The following ADSS1 variants were observed in gnomAD, a reference collection of about 807,000 sequenced individuals.
ADSS1 encodes adenylosuccinate synthase 1, also known as adenylosuccinate synthetase isozyme 1.
Under a neutral mutation model 59.1 loss-of-function variants are expected in ADSS1, and 57 were observed. That is an observed-to-expected ratio of 0.97 (90% CI 0.78 to 1.20). The LOEUF (loss-of-function observed/expected upper bound fraction) is 1.20, where lower values mean the gene tolerates loss of function less well. ADSS1 is among the 50% of genes most tolerant of loss of function. The pLI is 0.00. For synonymous variants in ADSS1, 247 were observed against 249.4 expected (o/e 0.99, Z 0.09); for missense variants, 603 against 610.3 (o/e 0.99, Z 0.13).
chr14:104,727,619 C>A (rs983271513), intron 1 of ADSS1, among the ~76,000 whole-genome samples: 1 of 152,198 alleles, frequency 6.6e-6, no homozygotes, highest in African/African-American at 2.4e-5. Flanking sequence ...GTACCTCCGC[C>A]TGTGCTTCCT....
intron 1 of ADSS1, among the ~76,000 whole-genome samples, chr14:104,734,445 T>C (rs1211244767): frequency 6.6e-6 from 1 of 152,198 alleles, no homozygotes; most frequent in African/African-American, 2.4e-5. Context: ...GGCTGTCTCA[T>C]GGCAGGAGGG....
chr14:104,741,789 C>T (rs537646950), intron 8 of ADSS1, 59 bp from the exon 9 acceptor site: 3 of 1,591,734 alleles, frequency 1.9e-6, no homozygotes, highest in African/African-American at 1.3e-5. Flanking sequence ...CCTCTTGGGC[C>T]GGGTGGAATA....
At chr14:104,728,398 G>A (rs1890782589) in intron 1 of ADSS1, among the ~76,000 whole-genome samples, 1 of 152,148 alleles carries the variant, frequency 6.6e-6, no homozygotes, top group African/African-American at 2.4e-5. Context: ...ACCAGTCCCG[G>A]GCAGCTGAGA....
rs1891497352 is a variant in ADSS1 at position 104,744,829 on chromosome 14, T to C, written c.1091T>C (p.Leu364Pro). The C allele has an allele frequency of 6.2e-7, 1 of 1,614,210 alleles. No individual in the cohort carries two copies. Among genetic ancestry groups the C allele is most frequent in the Non-Finnish European group, 8.5e-7 (1 of 1,180,036 alleles). ...NGFTALALTKLDILDVLGEVK... is the reference protein window; with the variant it reads ...NGFTALALTKPDILDVLGEVK... The stretch of plus-strand genomic sequence containing the variant: ...TTCCACAGGCTGGCCCTGACGAAGC[T>C]GGACATCCTGGACGTACTGGGTGAG... Residue 364 changes from leucine (L) to proline (P), a missense_variant, in exon 11 of 13, where the codon CTG becomes CCG. Transcript: ENST00000330877.
At chr14:104,725,790 C>CCCCTGA (rs778280264) in intron 1 of ADSS1, among the ~76,000 whole-genome samples, 202 of 152,300 alleles carry the variant, frequency 1.3e-3, no homozygotes, top group Non-Finnish European at 2.5e-3. Context: ...GCAGCCCCGG[C>CCCCTGA]CCCTGACCCT....
At position 104,741,184 on chromosome 14, in the gene ADSS1, G is replaced by GC. The variant is rs769542442; in HGVS notation, c.741dup (p.Lys248GlnfsTer16). ...TACTTTATGTATGAGGCACTCCACG[G>GC]CCCCCCCAAGAAGATCCTGGTGGAG... is the stretch of plus-strand genomic sequence containing the variant. On this transcript the variant is annotated frameshift_variant, in exon 8 of 13. Transcript: ENST00000330877. LOFTEE classifies it high-confidence loss of function. The GC allele has an allele frequency of 4.6e-5, 74 of 1,611,788 alleles. No homozygotes were observed. Among genetic ancestry groups the GC allele is most frequent in the Middle Eastern group, 1.6e-4 (1 of 6,072 alleles).
At chr14:104,728,325 G>T (rs538585639) in intron 1 of ADSS1, among the ~76,000 whole-genome samples, 1 of 152,228 alleles carries the variant, frequency 6.6e-6, no homozygotes, top group African/African-American at 2.4e-5. Flanking sequence ...GCTGGTTACT[G>T]GGCCGTGGCT....
intron 2 of ADSS1, among the ~76,000 whole-genome samples, chr14:104,736,038 A>G (rs1308289486): frequency 1.3e-5 from 2 of 152,094 alleles, no homozygotes; most frequent in African/African-American, 4.8e-5. Context: ...ATGGGCCTGG[A>G]CCCATTCAAT....
chr14:104,732,833 CA>C (rs1890978908), intron 1 of ADSS1, among the ~76,000 whole-genome samples: 2 of 152,234 alleles, frequency 1.3e-5, no homozygotes, highest in South Asian at 4.1e-4. Context: ...CAGTCGTGGG[CA>C]TGAAGGTACT....
Position 104,734,968 on chromosome 14 carries a change from G to A in ADSS1, c.193-52G>A, listed in dbSNP as rs79940581. 1,003 of 1,513,660 alleles carry A rather than the reference G, an allele frequency of 6.6e-4. 4 individuals carry two copies. The East Asian group carries it at 7.9e-3, about 12-fold the overall frequency. The allele number at this position is 1,513,660 out of a possible 1,614,324, so 93.8% of individuals were successfully genotyped here. ...GCCCCATGTGGGTCAGTCCATGTCC[G>A]GGGGGTCCTCAGTACCCAAGTGCCT... On this transcript the variant is annotated intron_variant, in intron 1 of 12. Coordinates refer to ENST00000330877, the MANE Select transcript of ADSS1 (RefSeq NM_152328.5).
chr14:104,743,356 T>TATACC (rs1186364378), intron 10 of ADSS1, 165 bp downstream of exon 10: 2 of 1,020,230 alleles, frequency 2.0e-6, no homozygotes, highest in Non-Finnish European at 2.8e-6. Context: ...GTTAGCGGTA[T>TATACC]GGAGGCCTGT....
At chr14:104,743,567 CA>C (rs1410571747) in intron 10 of ADSS1, 5 of 221,016 alleles carry the variant, frequency 2.3e-5, no homozygotes, top group Non-Finnish European at 2.8e-5. Context: ...ATCCGCTCTG[CA>C]GGCCCCTCTG....
chr14:104,746,788 C>A (rs939875542), intron 12 of ADSS1, 163 bp from the exon 13 acceptor site: 1 of 705,550 alleles, frequency 1.4e-6, no homozygotes, highest in Non-Finnish European at 2.4e-6. Flanking sequence ...AGTCCCCCAA[C>A]ATGCACTACC....
At chr14:104,729,458 C>A (rs1476735596) in intron 1 of ADSS1, among the ~76,000 whole-genome samples, 1 of 149,262 alleles carries the variant, frequency 6.7e-6, no homozygotes, top group Admixed American at 6.7e-5. Flanking sequence ...AGACGCCTTG[C>A]ACGTGTCAGC....
At chr14:104,734,971 G>C in intron 1 of ADSS1, 49 bp from the exon 2 acceptor site, 1 of 1,541,622 alleles carries the variant, frequency 6.5e-7, no homozygotes, top group Non-Finnish European at 8.9e-7. Context: ...CATGTCCGGG[G>C]GGTCCTCAGT....
At chr14:104,739,280 G>T in intron 3 of ADSS1, 48 bp from the exon 4 acceptor site, 1 of 1,580,798 alleles carries the variant, frequency 6.3e-7, no homozygotes, top group Non-Finnish European at 8.6e-7. Context: ...CGTGTGAGCT[G>T]CAGCGCACCT....
At position 104,741,899 on chromosome 14, in the gene ADSS1, C is replaced by G. The variant is rs542060225; in HGVS notation, c.845C>G (p.Thr282Arg). 1 of 1,613,492 alleles carries G rather than the reference C, an allele frequency of 6.2e-7. No individual in the cohort carries two copies. The highest frequency in any genetic ancestry group is 2.2e-5 in the East Asian group (1 of 44,884). ...SSNCTVGGVCTGLGIPPQNIG... is the reference protein window; with the variant it reads ...SSNCTVGGVCRGLGIPPQNIG... ...AACTGCACCGTGGGCGGTGTGTGCACGGGCCTGGGCATCCCCCCGCAGAAC... is the reference window on the plus strand; with the variant it reads ...AACTGCACCGTGGGCGGTGTGTGCAGGGGCCTGGGCATCCCCCCGCAGAAC... Residue 282 changes from threonine to arginine, a missense_variant, in exon 9 of 13, where the codon ACG (threonine) becomes AGG (arginine). Physicochemically the swap from Thr to Arg is moderately conservative, Grantham distance 71. Transcript: ENST00000330877.
chr14:104,725,326 C>T (rs1346751851), intron 1 of ADSS1, among the ~76,000 whole-genome samples: 1 of 152,210 alleles, frequency 6.6e-6, no homozygotes. Context: ...CTTACAGCTC[C>T]AGGCACAAAG....
intron 1 of ADSS1, among the ~76,000 whole-genome samples, chr14:104,732,157 T>G (rs1303150873): frequency 6.6e-6 from 1 of 152,202 alleles, no homozygotes; most frequent in African/African-American, 2.4e-5. Context: ...ATGGTCAGCC[T>G]TGGCTGGTGG....
Sources: allele counts gnomAD v4.1 joint callset (sites outside exome capture counted in the v4.1 genomes callset), GRCh38; gene constraint gnomAD v4.1.1; transcripts MANE v1.5; gene names NCBI Gene and HGNC (gene_info 2026-07-23, HGNC 2026-07-21).